The following CSPP1 variants were observed in gnomAD, a reference collection of about 807,000 sequenced individuals.
CSPP1 encodes the protein centrosome and spindle pole associated protein 1.
CSPP1 carries 126 observed loss-of-function variants against 164.4 expected under a neutral mutation model. That is an observed-to-expected ratio of 0.77 (90% confidence interval 0.66 to 0.89). The LOEUF (loss-of-function observed/expected upper bound fraction) is 0.89. CSPP1 is among the 40% of genes least tolerant of loss of function. CSPP1 has a pLI of 0.00. For missense variants in CSPP1, 1,395 were observed against 1,449.8 expected (o/e 0.96, Z 0.61); for synonymous variants, 472 against 476.7 (o/e 0.99, Z 0.13).
At chr8:67,066,920 T>C (rs1339492246) in intron 1 of CSPP1, among the ~76,000 whole-genome samples, 1 of 152,144 alleles carries the variant, frequency 6.6e-6, no homozygotes, top group African/African-American at 2.4e-5. Context: ...TACACCCAGC[T>C]AATTTTTTTA....
chr8:67,143,048 A>G (rs1823811680), intron 17 of CSPP1, among the ~76,000 whole-genome samples: 1 of 152,170 alleles, frequency 6.6e-6, no homozygotes, highest in Non-Finnish European at 1.5e-5. Context: ...ATTAAGTTAC[A>G]TACCTTGTTC....
At chr8:67,125,392 A>G (rs1384095967) in intron 15 of CSPP1, among the ~76,000 whole-genome samples, 3 of 152,094 alleles carry the variant, frequency 2.0e-5, no homozygotes, top group Non-Finnish European at 2.9e-5. Context: ...CTCTGTCTTT[A>G]TCTTTCAGCT....
chr8:67,093,443 C>G, intron 5 of CSPP1, 100 bp from the exon 6 acceptor site: 1 of 678,932 alleles, frequency 1.5e-6, no homozygotes, highest in South Asian at 2.0e-5. Context: ...GGTAAGAGTT[C>G]TGATATGTAT....
chr8:67,145,434 TTG>T (rs981106896), intron 17 of CSPP1, among the ~76,000 whole-genome samples: 11 of 152,226 alleles, frequency 7.2e-5, no homozygotes, highest in Admixed American at 2.0e-4. Flanking sequence ...GCTTTTCTTC[TTG>T]TTTCAGTGAT....
At chr8:67,112,265 C>G (rs1463665810) in intron 10 of CSPP1, among the ~76,000 whole-genome samples, 200 bp downstream of exon 10, 1 of 143,644 alleles carries the variant, frequency 7.0e-6, no homozygotes, top group Admixed American at 7.1e-5. Context: ...TCATAAGTAG[C>G]AAGTGAGAGT....
At chr8:67,076,978 A>C (rs907462718) in intron 3 of CSPP1, among the ~76,000 whole-genome samples, 1 of 152,166 alleles carries the variant, frequency 6.6e-6, no homozygotes, top group Non-Finnish European at 1.5e-5. Flanking sequence ...GTGAAAGACT[A>C]TTTTAATTAT....
At chr8:67,116,193 A>G (rs2129550897) in intron 13 of CSPP1, 71 bp downstream of exon 13, 1 of 1,045,746 alleles carries the variant, frequency 9.6e-7, no homozygotes, top group Non-Finnish European at 1.5e-6. Context: ...AGAAGGATAT[A>G]CTGAAGCGGA....
chr8:67,078,903 G>T (rs980753505), intron 3 of CSPP1, among the ~76,000 whole-genome samples: 1 of 152,030 alleles, frequency 6.6e-6, no homozygotes, highest in East Asian at 1.9e-4. Flanking sequence ...AACCTAGGAG[G>T]CGGAGGTTGC....
At chr8:67,068,568 T>C (rs183589780) in intron 1 of CSPP1, among the ~76,000 whole-genome samples, 21 of 152,368 alleles carry the variant, frequency 1.4e-4, no homozygotes, top group Admixed American at 1.2e-3. Flanking sequence ...ACCTATGCCA[T>C]ATTTATTAAC....
At chr8:67,192,059 C>A (rs1836411284) in intron 29 of CSPP1, among the ~76,000 whole-genome samples, 1 of 146,938 alleles carries the variant, frequency 6.8e-6, no homozygotes, top group East Asian at 2.0e-4. Context: ...AAATCCTTTG[C>A]TGATTTGTTT....
At chr8:67,149,446 G>A (rs960327706) in intron 17 of CSPP1, among the ~76,000 whole-genome samples, 1 of 152,218 alleles carries the variant, frequency 6.6e-6, no homozygotes, top group South Asian at 2.1e-4. Flanking sequence ...ATTACACTAT[G>A]AGTTGTTTTA....
chr8:67,130,552 C>T (rs1055695714), intron 15 of CSPP1, among the ~76,000 whole-genome samples: 5 of 152,144 alleles, frequency 3.3e-5, no homozygotes, highest in African/African-American at 1.2e-4. Flanking sequence ...CTTTTAGCCA[C>T]TCATAATCCA....
intron 19 of CSPP1, among the ~76,000 whole-genome samples, chr8:67,157,129 A>G (rs142274000): frequency 1.2e-3 from 180 of 152,326 alleles, no homozygotes; most frequent in African/African-American, 3.2e-3. Flanking sequence ...TTGATGAATT[A>G]TAAATGATGT....
intron 28 of CSPP1, among the ~76,000 whole-genome samples, chr8:67,184,104 TGGCCTCCCAAAGTGCTGGG>T (rs1340854795): frequency 6.6e-6 from 1 of 152,064 alleles, no homozygotes. Flanking sequence ...CCCCCGGCCT[TGGCCTCCCAAAGTGCTGGG>T]ATTATAGGCG....
intron 10 of CSPP1, among the ~76,000 whole-genome samples, chr8:67,112,752 T>C (rs1156602044): frequency 6.6e-6 from 1 of 152,220 alleles, no homozygotes. Flanking sequence ...CTGTGTAATA[T>C]TAACTGTCAA....
At chr8:67,151,727 C>A (rs1372959668) in intron 18 of CSPP1, among the ~76,000 whole-genome samples, 1 of 151,796 alleles carries the variant, frequency 6.6e-6, no homozygotes, top group Non-Finnish European at 1.5e-5. Flanking sequence ...AAAAAAAAAA[C>A]CATAAAATGT....
chr8:67,070,581 A>G (rs558531195), intron 1 of CSPP1, among the ~76,000 whole-genome samples: 5 of 151,900 alleles, frequency 3.3e-5, no homozygotes, highest in Admixed American at 2.6e-4. Flanking sequence ...GTTACAATGA[A>G]CTATGATCGT....
Position 67,095,616 on chromosome 8 carries a change from T to C in CSPP1, c.807T>C (p.Phe269=). ...ACAGATTTAATGAGGATCGTGTTTT[T>C]GATAGACGGTATCATAGACCAGACC... ...RFHRFNEDRV[F]DRRYHRPDQD... is the part of the protein sequence containing the mutation. The change falls in exon 7 of 31, where the codon TTT becomes TTC. Residue 269 remains phenylalanine, a synonymous_variant. Coordinates refer to ENST00000678616, the MANE Select transcript of CSPP1 (RefSeq NM_001382391.1). 1 of 1,613,872 alleles carries C rather than the reference T, an allele frequency of 6.2e-7. No individual in the cohort carries two copies. Among genetic ancestry groups the C allele is most frequent in the African/African-American group, 1.3e-5 (1 of 75,044 alleles).
Position 67,196,493 on chromosome 8 carries a change from C to G in CSPP1, c.*900C>G, listed in dbSNP as rs1837964010. On this transcript the variant is annotated 3_prime_UTR_variant, in exon 31 of 31. Transcript: ENST00000678616. ...CTGACTCAGATTAGAATCTCAGAAC[C>G]ATGACAGCTGAGAACATCCCCAGGC... Among the ~76,000 whole-genome samples the G allele has an allele frequency of 6.6e-6, 1 of 152,174 alleles. No homozygotes were observed. Among genetic ancestry groups the G allele is most frequent in the African/African-American group, 2.4e-5 (1 of 41,428 alleles).
Sources: gnomAD v4.1 joint callset for allele counts (sites outside exome capture counted in the v4.1 genomes callset) on GRCh38, gnomAD v4.1.1 for gene constraint, MANE v1.5 for transcripts, NCBI Gene and HGNC (gene_info 2026-07-23, HGNC 2026-07-21) for gene names.